SPEG: variants seen among roughly 807,000 people sequenced by gnomAD.
The protein encoded by SPEG is striated muscle preferentially expressed protein kinase.
Under a neutral mutation model 300.4 loss-of-function variants are expected in SPEG, and 114 were observed. The observed-to-expected ratio is 0.38, with a 90% CI of 0.33 to 0.44. The LOEUF is 0.44. Ranked by LOEUF, SPEG falls within the 20% of genes least tolerant of loss-of-function variation. The pLI is 1.00. For missense variants in SPEG, 4,201 were observed against 4,586.2 expected (o/e 0.92, Z 2.43); for synonymous variants, 1,964 against 2,018.9 (o/e 0.97, Z 0.73).
intron 7 of SPEG, 107 bp downstream of exon 7, chr2:219,462,164 C>T: frequency 8.4e-7 from 1 of 1,196,932 alleles, no homozygotes; most frequent in Non-Finnish European, 1.2e-6. Context: ...TGGAACTTTG[C>T]TCCCATTCAA....
chr2:219,448,620 T>G lies in SPEG; in HGVS notation c.1462T>G (p.Ser488Ala). Residue 488 changes from serine to alanine, a missense_variant, in exon 4 of 41, where the codon TCA (serine) becomes GCA (alanine). Physicochemically the swap from Ser to Ala is moderately conservative, Grantham distance 99 (BLOSUM62 1). Transcript: ENST00000312358. Reference protein sequence around the residue: ...DERTRQRSPASDLELRFAQEL... With the variant: ...DERTRQRSPAADLELRFAQEL... ...GCGCACGCGTCAGCGCAGCCCGGCC[T>G]CAGACCTCGAGCTGCGCTTCGCCCA... 6.8e-7 allele frequency: 1 copy of G among 1,479,404 alleles called. No homozygotes were observed. The highest frequency in any genetic ancestry group is 1.3e-5 in the South Asian group (1 of 78,098). The allele number at this position is 1,479,404 out of a possible 1,614,324, so 91.6% of individuals were successfully genotyped here.
rs1690423922 is a variant in SPEG at position 219,459,057 on chromosome 2, G to A, written c.2441-2825G>A. Among the ~76,000 whole-genome samples the A allele has an allele frequency of 6.6e-6, 1 of 152,224 alleles. No homozygotes were observed. The highest frequency in any genetic ancestry group is 6.5e-5 in the Admixed American group (1 of 15,278). On this transcript the variant is annotated intron_variant, in intron 6 of 40. Transcript: ENST00000312358. The surrounding 1 kb of genome is among the most constrained non-coding windows in gnomAD (Gnocchi z 4.9). The stretch of plus-strand genomic sequence containing the variant: ...GGATGTGCTGGTCTGAGGAGAGGGA[G>A]TTCCCTGTGTGCTTCCTAACGCCAG...
Position 219,489,201 on chromosome 2 carries a change from T to G in SPEG, c.8297T>G (p.Val2766Gly). Residue 2766 changes from valine (V) to glycine (G), a missense_variant, in exon 35 of 41, where the codon GTC becomes GGC. Around this residue, in one of 4 missense-constraint regions of SPEG, gnomAD observed 1,578 missense variants for 1,506.0 expected, o/e 1.05. Transcript: ENST00000312358. ...CCCTTCAGCAACTCTTCTGAGAAGG[T>G]CTTTGTCAGGGGTACTCAAGGTCAG... ...QGPFSNSSEK[V>G]FVRGTQDSSA... 6.2e-7 allele frequency: 1 copy of G among 1,613,742 alleles called. No homozygotes were observed. Among genetic ancestry groups the G allele is most frequent in the Non-Finnish European group, 8.5e-7 (1 of 1,179,890 alleles).
At chr2:219,463,554 C>T (rs1313749684) in intron 8 of SPEG, among the ~76,000 whole-genome samples, 1 of 151,556 alleles carries the variant, frequency 6.6e-6, no homozygotes, top group Non-Finnish European at 1.5e-5. Context: ...GCTGGGATTA[C>T]AGGCATGTGC....
intron 31 of SPEG, among the ~76,000 whole-genome samples, chr2:219,485,863 T>TA (rs1380783300): frequency 1.3e-5 from 2 of 152,182 alleles, no homozygotes; most frequent in Admixed American, 6.5e-5. Flanking sequence ...GGACACCACT[T>TA]ACGTCTGTCG....
chr2:219,443,093 G>C lies in SPEG; in HGVS notation c.389-1560G>C, dbSNP rs771543259. ...GCCTCCCCCTCAACTACTCATTCTG[G>C]CTTTTCTCTTTCAGAAAACCGGCCA... On this transcript the variant is annotated intron_variant, in intron 1 of 40. Transcript: ENST00000312358. This position sits in a 1 kb window ranked among gnomAD's most constrained non-coding sequence, Gnocchi z 4.6. 1 of 1,611,700 alleles carries C rather than the reference G, an allele frequency of 6.2e-7. No homozygotes were observed. Among genetic ancestry groups the C allele is most frequent in the African/African-American group, 1.3e-5 (1 of 75,010 alleles).
intron 6 of SPEG, among the ~76,000 whole-genome samples, chr2:219,454,429 C>T (rs1690018160): frequency 6.6e-6 from 1 of 152,194 alleles, no homozygotes; most frequent in Non-Finnish European, 1.5e-5. Context: ...GCATTCCCCA[C>T]CGCTGCCCAC....
At position 219,489,614 on chromosome 2, in the gene SPEG, C is replaced by T; in HGVS notation, c.8596C>T (p.His2866Tyr). 1 of 1,613,878 alleles carries T rather than the reference C, an allele frequency of 6.2e-7. No individual in the cohort carries two copies. The highest frequency in any genetic ancestry group is 8.5e-7 in the Non-Finnish European group (1 of 1,179,990). ...AGCGGAGCCCACCCTACCCAGTACCCACGTCACCCCAAGTGAGCCCAAGCC... is the reference window on the plus strand; with the variant it reads ...AGCGGAGCCCACCCTACCCAGTACCTACGTCACCCCAAGTGAGCCCAAGCC... ...RPAEPTLPSTHVTPSEPKPFV... is the reference protein window; with the variant it reads ...RPAEPTLPSTYVTPSEPKPFV... Residue 2866 changes from histidine to tyrosine, a missense_variant, in exon 36 of 41, where the codon CAC becomes TAC. Physicochemically the swap from His to Tyr is moderately conservative, Grantham distance 83. Around this residue, in one of 4 missense-constraint regions of SPEG, gnomAD observed 1,578 missense variants for 1,506.0 expected, o/e 1.05. Transcript: ENST00000312358.
In SPEG at chr2:219,488,570, TC is replaced by T; in HGVS notation, c.7936del (p.Arg2646GlyfsTer36). 6.2e-7 allele frequency: 1 copy of T among 1,611,646 alleles called. No individual in the cohort carries two copies. The highest frequency in any genetic ancestry group is 8.5e-7 in the Non-Finnish European group (1 of 1,179,170). Reference sequence around the variant, plus strand: ...AAAGATGGGCGGCAGCTGCTCAGCATCCCCCGGGCGGGCAAGCGGCACGCCG... The same window carrying T: ...AAAGATGGGCGGCAGCTGCTCAGCATCCCCGGGCGGGCAAGCGGCACGCCG... The part of the protein sequence containing the change: ...SCKDGRQLLS[I>X]PRAGKRHAGL... On this transcript the variant is annotated frameshift_variant, in exon 33 of 41. Transcript: ENST00000312358. LOFTEE classifies it high-confidence loss of function.
Position 219,469,262 on chromosome 2 carries a change from G to A in SPEG, c.3598G>A (p.Gly1200Arg), listed in dbSNP as rs760536869. ...FLRPLQDLEV[G>R]LAKEAMLECQ... Reference sequence around the variant, plus strand: ...GCGGCCACTGCAGGACCTGGAGGTGGGACTGGCCAAGGAGGCCATGCTAGA... The same window carrying A: ...GCGGCCACTGCAGGACCTGGAGGTGAGACTGGCCAAGGAGGCCATGCTAGA... Residue 1200 changes from glycine to arginine, a missense_variant, in exon 13 of 41, where the codon GGA becomes AGA. This residue lies in a region of SPEG where 1,047 missense variants were observed against 1,356.8 expected (regional missense o/e 0.77). Transcript: ENST00000312358. 22 of 1,613,744 alleles carry A rather than the reference G, an allele frequency of 1.4e-5. No homozygotes were observed. The Admixed American group carries it at 3.7e-4, about 27-fold the overall frequency.
At chr2:219,491,726 G>C (rs1693988921) in intron 38 of SPEG, 68 bp from the exon 39 acceptor site, 2 of 1,283,904 alleles carry the variant, frequency 1.6e-6, no homozygotes, top group South Asian at 2.5e-5. Flanking sequence ...AAGCACCCAG[G>C]GACCTCCCCC....
chr2:219,460,179 G>A (rs1690538724), intron 6 of SPEG: 1 of 483,798 alleles, frequency 2.1e-6, no homozygotes, highest in African/African-American at 2.1e-5. Flanking sequence ...TAGGCCCTGT[G>A]GTGGCTGCTG....
chr2:219,472,270 T>G lies in SPEG; in HGVS notation c.3879T>G (p.Ala1293=). The G allele has an allele frequency of 6.2e-7, 1 of 1,613,862 alleles. No homozygotes were observed. Among genetic ancestry groups the G allele is most frequent in the Non-Finnish European group, 8.5e-7 (1 of 1,180,010 alleles). ...GPPDGAPQVV[A]VTGRMVTLTW... is the part of the protein sequence containing the mutation. ...CAGATGGCGCCCCGCAGGTGGTGGC[T>G]GTGACGGGGAGGATGGTCACACTCA... Residue 1293 remains alanine, a synonymous_variant, in exon 15 of 41, where the codon GCT becomes GCG. Coordinates refer to ENST00000312358, the MANE Select transcript of SPEG (RefSeq NM_005876.5).
chr2:219,474,922 A>G (rs1163836117), intron 18 of SPEG, among the ~76,000 whole-genome samples: 1 of 151,516 alleles, frequency 6.6e-6, no homozygotes, highest in Non-Finnish European at 1.5e-5. Context: ...AGCTGGGACT[A>G]CAGGCTTGCA....
In SPEG at chr2:219,445,352, C is replaced by G. The variant is rs1689203936; in HGVS notation, c.815+191C>G. Among the ~76,000 whole-genome samples, 1 of 152,142 alleles carries G rather than the reference C, an allele frequency of 6.6e-6. No individual in the cohort carries two copies. Among genetic ancestry groups the G allele is most frequent in the African/African-American group, 2.4e-5 (1 of 41,424 alleles). Reference sequence around the variant, plus strand: ...CTCCTGAGCCATCACCGCCCACATCCCCCTGCTCCCACCTGTCCTGGCTCA... The same window carrying G: ...CTCCTGAGCCATCACCGCCCACATCGCCCTGCTCCCACCTGTCCTGGCTCA... On this transcript the variant is annotated intron_variant, in intron 3 of 40. Transcript: ENST00000312358. This position sits in a 1 kb window ranked among gnomAD's most constrained non-coding sequence, Gnocchi z 6.1.
In SPEG at chr2:219,469,352, A is replaced by C. The variant is rs776576963; in HGVS notation, c.3688A>C (p.Ser1230Arg). The C allele has an allele frequency of 6.2e-7, 1 of 1,613,738 alleles. No homozygotes were observed. The highest frequency in any genetic ancestry group is 1.1e-5 in the South Asian group (1 of 91,056). ...SWFHNGHRIQ[S>R]SDDRRMTQYR... is the part of the protein sequence containing the mutation. ...GTTCCACAATGGCCACCGCATCCAG[A>C]GCAGCGACGACCGGCGCATGACACA... The change falls in exon 13 of 41, where the codon AGC (serine) becomes CGC (arginine). Residue 1230 changes from serine (S) to arginine (R), a missense_variant. By Grantham distance (110) the Ser-to-Arg change is moderately radical. Transcript: ENST00000312358.
intron 15 of SPEG, 108 bp from the exon 16 acceptor site, chr2:219,472,782 C>T: frequency 1.2e-6 from 1 of 867,128 alleles, no homozygotes; most frequent in African/African-American, 1.7e-5. Flanking sequence ...GAGACTGAGG[C>T]ACGTCATCAG....
intron 1 of SPEG, chr2:219,441,999 C>A: frequency 2.1e-6 from 1 of 484,304 alleles, no homozygotes. Flanking sequence ...CTCCGCCCCG[C>A]CCCCGCCCGT....
chr2:219,443,520 A>T lies in SPEG; in HGVS notation c.389-1133A>T, dbSNP rs991048589. 3.1e-6 allele frequency: 1 copy of T among 326,106 alleles called. No individual in the cohort carries two copies. Among genetic ancestry groups the T allele is most frequent in the Non-Finnish European group, 5.8e-6 (1 of 171,886 alleles). The allele number at this position is 326,106 out of a possible 1,614,324, so 20.2% of individuals were successfully genotyped here. ...GCTAGAATCTGGGAAAGTTGAAAAT[A>T]CTCCCAGGAACCTTTTCTCCTAACC... On this transcript the variant is annotated intron_variant, in intron 1 of 40. Coordinates refer to ENST00000312358, the MANE Select transcript of SPEG (RefSeq NM_005876.5). The surrounding 1 kb of genome is among the most constrained non-coding windows in gnomAD (Gnocchi z 4.6).
Sources: gnomAD v4.1 joint callset for allele counts (sites outside exome capture counted in the v4.1 genomes callset) on GRCh38, gnomAD v4.1.1 for gene constraint, gnomAD v4.1.1 regional missense constraint, Gnocchi (gnomAD v3.1) non-coding constraint, MANE v1.5 for transcripts, NCBI Gene and HGNC (gene_info 2026-07-23, HGNC 2026-07-21) for gene names.